Variants in TJP3 observed in about 807,000 individuals in gnomAD.
TJP3 encodes the protein tight junction protein ZO-3.
In TJP3, 85 loss-of-function variants were observed where a neutral mutation model predicts 104.2. The ratio of observed to expected loss-of-function variants is 0.82; its 90% CI spans 0.68 to 0.98. The LOEUF is 0.98. Among genes scored for constraint, TJP3 ranks in the 50% least tolerant of loss-of-function variants. TJP3 has a pLI of 0.00. For synonymous variants in TJP3, 550 were observed against 550.6 expected (o/e 1.00, Z 0.02); for missense variants, 1,367 against 1,322.8 (o/e 1.03, Z -0.52).
chr19:3,710,528 A>C (rs1204901755), intron 1 of TJP3, among the ~76,000 whole-genome samples: 4 of 152,196 alleles, frequency 2.6e-5, no homozygotes, highest in Non-Finnish European at 4.4e-5. Flanking sequence ...CGTGGCCCTG[A>C]GTCCCGGGGA....
At chr19:3,729,919 C>T (rs2036646437) in intron 3 of TJP3, 109 bp from the exon 4 acceptor site, 1 of 813,450 alleles carries the variant, frequency 1.2e-6, no homozygotes, top group Admixed American at 1.8e-5. Context: ...GAATTAGAAC[C>T]AGGCCTTGTA....
intron 11 of TJP3, among the ~76,000 whole-genome samples, chr19:3,736,983 G>A (rs1428688977): frequency 6.6e-6 from 1 of 151,106 alleles, no homozygotes; most frequent in Admixed American, 6.6e-5. Flanking sequence ...GGGTTCAAGG[G>A]ATCATCCTGA....
At chr19:3,745,425 T>C (rs1179271908) in intron 15 of TJP3, among the ~76,000 whole-genome samples, 6 of 152,272 alleles carry the variant, frequency 3.9e-5, no homozygotes, top group Non-Finnish European at 5.9e-5. Flanking sequence ...ACTACAGGCA[T>C]GAGCCACTGT....
Position 3,747,963 on chromosome 19 carries a change from C to A in TJP3, c.2492C>A (p.Thr831Lys), listed in dbSNP as rs769089585. The A allele has an allele frequency of 6.2e-7, 1 of 1,612,870 alleles. No individual in the cohort carries two copies. Among genetic ancestry groups the A allele is most frequent in the Non-Finnish European group, 8.5e-7 (1 of 1,179,794 alleles). The change falls in exon 19 of 21, where the codon ACG (threonine) becomes AAG (lysine). Residue 831 changes from threonine (T) to lysine (K), a missense_variant. Thr to Lys is a moderately conservative substitution (Grantham distance 78, BLOSUM62 -1). Coordinates refer to ENST00000541714, the MANE Select transcript of TJP3 (RefSeq NM_001267560.2). ...GYTDGEGGPY[T>K]DVDDEPPAPA... ...ACAGACGGCGAGGGGGGGCCCTACA[C>A]GGATGTGGATGATGAGCCCCCGGCT...
chr19:3,735,450 C>G, intron 8 of TJP3, 116 bp from the exon 9 acceptor site: 2 of 1,023,322 alleles, frequency 2.0e-6, no homozygotes, highest in South Asian at 2.7e-5. Context: ...CTGCCCACCT[C>G]GACCTCCCAA....
chr19:3,709,259 C>A (rs938980800), intron 1 of TJP3, among the ~76,000 whole-genome samples: 1 of 152,108 alleles, frequency 6.6e-6, no homozygotes, highest in African/African-American at 2.4e-5. Flanking sequence ...CTATGCCCAG[C>A]TAATTTTTGT....
chr19:3,734,121 G>A lies in TJP3; in HGVS notation c.878-206G>A, dbSNP rs150849759. ...AAGCGATTCTCTGCCTCCTGGGTTCGAGCGATTCTCGTGCCTTGGCCTCCT... is the reference window on the plus strand; with the variant it reads ...AAGCGATTCTCTGCCTCCTGGGTTCAAGCGATTCTCGTGCCTTGGCCTCCT... On this transcript the variant is annotated intron_variant, in intron 7 of 20. Transcript: ENST00000541714. Among the ~76,000 whole-genome samples, 71 of 152,266 alleles carry A rather than the reference G, an allele frequency of 4.7e-4. 1 individual carries two copies. Among genetic ancestry groups the A allele is most frequent in the African/African-American group, 1.6e-3 (67 of 41,552 alleles).
At chr19:3,725,735 T>C (rs562912531) in intron 1 of TJP3, among the ~76,000 whole-genome samples, 104 of 152,168 alleles carry the variant, frequency 6.8e-4, no homozygotes, top group African/African-American at 2.4e-3. Flanking sequence ...AAGTCATTAT[T>C]TGGCCACCAC....
At chr19:3,738,195 G>A (rs570135628) in intron 11 of TJP3, among the ~76,000 whole-genome samples, 5 of 152,300 alleles carry the variant, frequency 3.3e-5, no homozygotes, top group African/African-American at 7.2e-5. Context: ...CTGTGACTAC[G>A]TCTGAGTTCT....
intron 1 of TJP3, 49 bp from the exon 2 acceptor site, chr19:3,728,375 G>C (rs760121588): frequency 1.9e-6 from 3 of 1,613,918 alleles, no homozygotes; most frequent in Non-Finnish European, 2.5e-6. Context: ...CAAGTGCTCA[G>C]ATGAACCTGT....
chr19:3,728,935 C>T (rs2036635559), intron 3 of TJP3, among the ~76,000 whole-genome samples: 2 of 152,152 alleles, frequency 1.3e-5, no homozygotes, highest in South Asian at 2.1e-4. Context: ...TTCCTGTAAT[C>T]CCAGCTACTC....
In TJP3 at chr19:3,736,166, T is replaced by G; in HGVS notation, c.1129T>G (p.Tyr377Asp). 6.3e-7 allele frequency: 1 copy of G among 1,587,134 alleles called. No homozygotes were observed. Among genetic ancestry groups the G allele is most frequent in the Middle Eastern group, 1.7e-4 (1 of 5,978 alleles). ...CCCCATCTCTGCCTCCCCTTGCAGG[T>G]ACAGCCCCGACACGCGTGTGGTCCG... ...PSSQSMEDRG[Y>D]SPDTRVVRFL... The change falls in exon 11 of 21, where the codon TAC becomes GAC. Residue 377 changes from tyrosine to aspartate, a missense_variant and splice_region_variant. Tyr to Asp is a radical substitution (Grantham distance 160). Coordinates refer to ENST00000541714, the MANE Select transcript of TJP3 (RefSeq NM_001267560.2).
chr19:3,721,945 C>T, intron 1 of TJP3: 6 of 1,106,550 alleles, frequency 5.4e-6, no homozygotes, highest in Non-Finnish European at 6.9e-6. Context: ...GGGGGAGGGG[C>T]TCGGGCTGAG....
In TJP3 at chr19:3,732,014, G is replaced by A; in HGVS notation, c.693G>A (p.Leu231=). The stretch of plus-strand genomic sequence containing the variant: ...GCCTGGCTGCCCGGCACCGTGGGCT[G>A]CAGGAAGGAGATCTCATTCTACAGG... ...DSGLAARHRG[L]QEGDLILQIN... The change falls in exon 6 of 21, where the codon CTG becomes CTA. Residue 231 remains leucine (L), a synonymous_variant. Transcript: ENST00000541714. The A allele has an allele frequency of 6.2e-7, 1 of 1,613,070 alleles. No individual in the cohort carries two copies. The highest frequency in any genetic ancestry group is 8.5e-7 in the Non-Finnish European group (1 of 1,179,770).
chr19:3,750,428 C>A (rs1404686429), intron 20 of TJP3, among the ~76,000 whole-genome samples, 154 bp from the exon 21 acceptor site: 1 of 152,090 alleles, frequency 6.6e-6, no homozygotes. Context: ...TTGAGGGATG[C>A]ATAGGAGTTT....
chr19:3,746,073 G>A lies in TJP3; in HGVS notation c.2002G>A (p.Ala668Thr), dbSNP rs372962235. The change falls in exon 16 of 21, where the codon GCA becomes ACA. Residue 668 changes from alanine to threonine, a missense_variant. Ala to Thr is a moderately conservative substitution (Grantham distance 58). Coordinates refer to ENST00000541714, the MANE Select transcript of TJP3 (RefSeq NM_001267560.2). The surrounding 1 kb of genome is among the most constrained non-coding windows in gnomAD (Gnocchi z 4.1). ...IIKLDTVRVIAEKDKHALLDV... is the reference protein window; with the variant it reads ...IIKLDTVRVITEKDKHALLDV... The stretch of plus-strand genomic sequence containing the variant: ...CAAACTAGACACCGTGCGGGTGATT[G>A]CAGAAAAAGTAAGCCGGGTCCTGCT... 41 of 1,608,510 alleles carry A rather than the reference G, an allele frequency of 2.5e-5. No individual in the cohort carries two copies. The highest frequency in any genetic ancestry group is 3.4e-5 in the Non-Finnish European group (40 of 1,177,336).
At chr19:3,731,293 G>A (rs1484537725) in intron 5 of TJP3, among the ~76,000 whole-genome samples, 1 of 152,200 alleles carries the variant, frequency 6.6e-6, no homozygotes, top group Non-Finnish European at 1.5e-5. Flanking sequence ...GCTCAGAGGT[G>A]ATCCTGGATG....
Position 3,742,957 on chromosome 19 carries a change from A to T in TJP3, c.1844-982A>T, listed in dbSNP as rs1164661366. Among the ~76,000 whole-genome samples the T allele has an allele frequency of 2.1e-5, 3 of 143,964 alleles. No individual in the cohort carries two copies. The East Asian group carries it at 6.4e-4, about 30-fold the overall frequency. 94.4% of individuals were successfully genotyped at this position (143,964 alleles called of 152,430 possible). On this transcript the variant is annotated intron_variant, in intron 14 of 20. Transcript: ENST00000541714. Reference sequence around the variant, plus strand: ...CCGCCAGCCTCGGTGACACAGCAAGACTCTGTCTCAAAAAAATAAGTAAAT... The same window carrying T: ...CCGCCAGCCTCGGTGACACAGCAAGTCTCTGTCTCAAAAAAATAAGTAAAT...
chr19:3,711,537 T>G (rs1282819354), intron 1 of TJP3, among the ~76,000 whole-genome samples: 2 of 149,434 alleles, frequency 1.3e-5, no homozygotes, highest in Non-Finnish European at 3.0e-5. Context: ...CCTGAAGACA[T>G]TTGGCTTTAT....
Sources: allele counts gnomAD v4.1 joint callset (sites outside exome capture counted in the v4.1 genomes callset), GRCh38; gene constraint gnomAD v4.1.1; non-coding constraint Gnocchi (gnomAD v3.1); transcripts MANE v1.5; gene names NCBI Gene and HGNC (gene_info 2026-07-23, HGNC 2026-07-21).